Variants in ELL2 observed in about 807,000 individuals in gnomAD.
ELL2 encodes the protein RNA polymerase II elongation factor ELL2.
A neutral mutation model predicts 72.8 loss-of-function variants in ELL2; 21 were observed. The observed-to-expected ratio is 0.29, with a 90% CI of 0.20 to 0.42. The LOEUF (loss-of-function observed/expected upper bound fraction) is 0.42. Among genes scored for constraint, ELL2 ranks in the 10% least tolerant of loss-of-function variants. The pLI is 1.00. For missense variants in ELL2, 568 were observed against 772.8 expected, an observed-to-expected ratio of 0.73 and a Z score of 3.14; for synonymous variants, 266 against 283.2, an observed-to-expected ratio of 0.94 and a Z score of 0.61.
intron 1 of ELL2, among the ~76,000 whole-genome samples, chr5:95,961,190 TG>T (rs1457912992): frequency 6.6e-6 from 1 of 152,024 alleles, no homozygotes; most frequent in African/African-American, 2.4e-5. Context: ...GCCCATACGC[TG>T]CTCGCTACCC....
At chr5:95,889,552 A>G (rs901145431) in intron 10 of ELL2, among the ~76,000 whole-genome samples, 9 of 152,222 alleles carry the variant, frequency 5.9e-5, no homozygotes, top group Non-Finnish European at 8.8e-5. Context: ...GCTGAACAAT[A>G]TGGACAGCTT....
At chr5:95,922,044 C>T (rs1750106297) in intron 2 of ELL2, among the ~76,000 whole-genome samples, 1 of 151,924 alleles carries the variant, frequency 6.6e-6, no homozygotes, top group Non-Finnish European at 1.5e-5. Flanking sequence ...AATGTAAGAC[C>T]ATCCCATCTG....
intron 4 of ELL2, among the ~76,000 whole-genome samples, chr5:95,907,294 A>T (rs556752288): frequency 0.014 from 1,073 of 79,466 alleles, 16 homozygotes; most frequent in African/African-American, 0.065. Flanking sequence ...ATATATATAT[A>T]TATTTTTTTT....
At chr5:95,939,234 C>T (rs1561510266) in intron 2 of ELL2, among the ~76,000 whole-genome samples, 1 of 152,182 alleles carries the variant, frequency 6.6e-6, no homozygotes, top group Non-Finnish European at 1.5e-5. Context: ...CTGATAGTCC[C>T]CCATTTCCAT....
chr5:95,909,238 C>T (rs183285111), intron 4 of ELL2, among the ~76,000 whole-genome samples: 4 of 152,318 alleles, frequency 2.6e-5, no homozygotes, highest in Non-Finnish European at 5.9e-5. Context: ...GGGCCCATTG[C>T]TAGACTGTCA....
At chr5:95,929,813 C>A (rs561934223) in intron 2 of ELL2, among the ~76,000 whole-genome samples, 173 of 150,584 alleles carry the variant, frequency 1.1e-3, no homozygotes, top group South Asian at 4.4e-3. Flanking sequence ...AACAAAAAAA[C>A]CCCCACACAG....
chr5:95,945,518 A>G (rs1160021794), intron 1 of ELL2, among the ~76,000 whole-genome samples: 1 of 152,194 alleles, frequency 6.6e-6, no homozygotes, highest in African/African-American at 2.4e-5. Flanking sequence ...TTAATGGGGT[A>G]TTCAAGAGTG....
rs1488447145 is a variant in ELL2 at position 95,885,223 on chromosome 5, A to T, written c.*3648T>A. 6.6e-6 allele frequency: 1 copy of T among 152,222 alleles called. No individual in the cohort carries two copies. The highest frequency in any genetic ancestry group is 2.4e-5 in the African/African-American group (1 of 41,454). 9.4% of individuals were successfully genotyped at this position (152,222 alleles called of 1,614,324 possible). A position where few individuals can be genotyped will look rare whatever the true frequency, so the allele number is the denominator to read the frequency against. ...CCTTTGAGAGTCCTAACACGGTTTGAGTGGAACAGCTGAGAAACAGCATAT... is the reference window on the plus strand; with the variant it reads ...CCTTTGAGAGTCCTAACACGGTTTGTGTGGAACAGCTGAGAAACAGCATAT... On this transcript the variant is annotated 3_prime_UTR_variant, in exon 12 of 12. Coordinates refer to ENST00000237853, the MANE Select transcript of ELL2 (RefSeq NM_012081.6).
intron 2 of ELL2, among the ~76,000 whole-genome samples, chr5:95,926,340 G>C (rs3777184): frequency 0.29 from 44,347 of 151,910 alleles, 6,623 homozygotes; most frequent in East Asian, 0.41. Context: ...GCAGAGGGTA[G>C]AGAGGATCCA....
intron 2 of ELL2, among the ~76,000 whole-genome samples, chr5:95,921,931 A>T (rs1485502981): frequency 6.6e-6 from 1 of 152,134 alleles, no homozygotes; most frequent in African/African-American, 2.4e-5. Flanking sequence ...TCCATATGAT[A>T]TTTCATCTTC....
At chr5:95,901,614 T>C (rs1420292767) in intron 5 of ELL2, among the ~76,000 whole-genome samples, 1 of 152,192 alleles carries the variant, frequency 6.6e-6, no homozygotes, top group Non-Finnish European at 1.5e-5. Flanking sequence ...GCAACACTAC[T>C]CTTGCGCTTT....
At chr5:95,909,619 G>A (rs1285090338) in intron 4 of ELL2, among the ~76,000 whole-genome samples, 1 of 152,154 alleles carries the variant, frequency 6.6e-6, no homozygotes, top group Non-Finnish European at 1.5e-5. Flanking sequence ...TCAGAAAAAA[G>A]CCATTTTAAT....
chr5:95,898,151 G>A lies in ELL2; in HGVS notation c.1525+89C>T, dbSNP rs150448906. The A allele has an allele frequency of 1.3e-4, 143 of 1,061,838 alleles. 1 individual carries two copies. The highest frequency in any genetic ancestry group is 9.8e-4 in the African/African-American group (60 of 61,172). The allele number at this position is 1,061,838 out of a possible 1,614,324, so 65.8% of individuals were successfully genotyped here. A position where few individuals can be genotyped will look rare whatever the true frequency, so the allele number is the denominator to read the frequency against. On this transcript the variant is annotated intron_variant, in intron 8 of 11. Coordinates refer to ENST00000237853, the MANE Select transcript of ELL2 (RefSeq NM_012081.6). The stretch of plus-strand genomic sequence containing the variant: ...ACTAAGATTAATAATTAAATGAAAC[G>A]TCATTTGCTAAAGAAATTACTAATT...
Position 95,898,787 on chromosome 5 carries a change from A to G in ELL2, c.978T>C (p.Phe326=). ...CTTTTTTATTCATTAAAGGATCAAT[A>G]AACTCTGAATCCAAAAGCCGTTTCT... The part of the protein sequence containing the change: ...SPQKRLLDSE[F]IDPLMNKKAR... The change falls in exon 8 of 12, where the codon TTT becomes TTC. Residue 326 remains phenylalanine (F), a synonymous_variant. Coordinates refer to ENST00000237853, the MANE Select transcript of ELL2 (RefSeq NM_012081.6). 1 of 1,512,870 alleles carries G rather than the reference A, an allele frequency of 6.6e-7. No homozygotes were observed. The highest frequency in any genetic ancestry group is 8.8e-7 in the Non-Finnish European group (1 of 1,131,556). 93.7% of individuals were successfully genotyped at this position (1,512,870 alleles called of 1,614,324 possible).
rs565627828 is a variant in ELL2, at chr5:95,902,057, C to A, written c.742-977G>T. 1.8e-3 allele frequency among the ~76,000 whole-genome samples: 271 copies of A among 152,330 alleles called. 1 individual carries two copies. Among genetic ancestry groups the A allele is most frequent in the Non-Finnish European group, 3.2e-3 (219 of 68,036 alleles). ...ACCACGGATAAGGACTACTGTATTA[C>A]CAACATCCTTATTTACTTCTGGGCA... is the stretch of plus-strand genomic sequence containing the variant. On this transcript the variant is annotated intron_variant, in intron 5 of 11. Transcript: ENST00000237853.
chr5:95,951,721 C>G (rs534813552), intron 1 of ELL2, among the ~76,000 whole-genome samples: 1 of 152,056 alleles, frequency 6.6e-6, no homozygotes. Flanking sequence ...GAAAAGATCA[C>G]TCTAGCTGCT....
At chr5:95,929,877 T>C (rs1001957478) in intron 2 of ELL2, among the ~76,000 whole-genome samples, 3 of 152,070 alleles carry the variant, frequency 2.0e-5, no homozygotes, top group African/African-American at 4.8e-5. Flanking sequence ...ACCTCTCTTA[T>C]GCTATGTTTA....
intron 2 of ELL2, among the ~76,000 whole-genome samples, chr5:95,935,840 A>G (rs1045534464): frequency 1.3e-5 from 2 of 152,150 alleles, no homozygotes; most frequent in Non-Finnish European, 2.9e-5. Context: ...TTCTCCTCCC[A>G]TATGTAAGGA....
At position 95,896,564 on chromosome 5, in the gene ELL2, G is replaced by A. The variant is rs550975393; in HGVS notation, c.1526-873C>T. Among the ~76,000 whole-genome samples, 6 of 152,296 alleles carry A rather than the reference G, an allele frequency of 3.9e-5. No individual in the cohort carries two copies. In the South Asian group the frequency reaches 1.2e-3, roughly 32 times the overall value. ...ACAAATATTAATACATAGACTCTGA[G>A]TGCATGCTGCTCACCTATAAATTCA... On this transcript the variant is annotated intron_variant, in intron 8 of 11. Coordinates refer to ENST00000237853, the MANE Select transcript of ELL2 (RefSeq NM_012081.6).
Sources: gnomAD v4.1 joint callset for allele counts (sites outside exome capture counted in the v4.1 genomes callset) on GRCh38, gnomAD v4.1.1 for gene constraint, MANE v1.5 for transcripts, NCBI Gene and HGNC (gene_info 2026-07-23, HGNC 2026-07-21) for gene names.